The following STX12 variants were observed in gnomAD, a reference collection of about 807,000 sequenced individuals.
STX12 encodes the protein syntaxin 12.
A neutral mutation model predicts 42.2 loss-of-function variants in STX12; 17 were observed. The observed-to-expected ratio is 0.40, with a 90% CI of 0.28 to 0.60. STX12 has a LOEUF of 0.60. Ranked by LOEUF, STX12 falls within the 20% of genes least tolerant of loss-of-function variation. The pLI is 0.39. For missense variants in STX12, 297 were observed against 330.9 expected, an observed-to-expected ratio of 0.90 and a Z score of 0.79; for synonymous variants, 108 against 116.7, an observed-to-expected ratio of 0.93 and a Z score of 0.48.
At chr1:27,788,778 G>A (rs967419505) in intron 1 of STX12, among the ~76,000 whole-genome samples, 4 of 152,132 alleles carry the variant, frequency 2.6e-5, no homozygotes, top group Non-Finnish European at 4.4e-5. Context: ...TTGGGAGGCC[G>A]AGGCGAGTGG....
intron 1 of STX12, among the ~76,000 whole-genome samples, chr1:27,787,611 A>G (rs941467226): frequency 6.6e-6 from 1 of 151,992 alleles, no homozygotes; most frequent in Admixed American, 6.6e-5. Flanking sequence ...GTGAGCCGAG[A>G]TCATGCCACT....
intron 1 of STX12, among the ~76,000 whole-genome samples, chr1:27,784,969 A>G (rs909743228): frequency 1.3e-5 from 2 of 152,116 alleles, no homozygotes; most frequent in Non-Finnish European, 2.9e-5. Context: ...GGAAATCAGA[A>G]AAGTCTAGAT....
At chr1:27,780,560 C>T (rs989156877) in intron 1 of STX12, among the ~76,000 whole-genome samples, 2 of 152,154 alleles carry the variant, frequency 1.3e-5, no homozygotes, top group African/African-American at 4.8e-5. Context: ...GTCAGCAGAT[C>T]TGTGACTGAA....
intron 4 of STX12, among the ~76,000 whole-genome samples, chr1:27,805,756 A>G (rs1412617849): frequency 6.6e-6 from 1 of 152,180 alleles, no homozygotes; most frequent in Non-Finnish European, 1.5e-5. Flanking sequence ...TATTCAGTCT[A>G]TTATGATAGA....
intron 2 of STX12, among the ~76,000 whole-genome samples, chr1:27,792,158 C>CATATATG (rs1314518891): frequency 1.0e-5 from 1 of 100,172 alleles, no homozygotes; most frequent in Non-Finnish European, 1.7e-5. Flanking sequence ...ATATGTGTAT[C>CATATATG]TATATATGTA....
chr1:27,797,875 A>AACACACACACACACACACACAC (rs61106135), intron 3 of STX12, among the ~76,000 whole-genome samples: 4 of 143,112 alleles, frequency 2.8e-5, no homozygotes, highest in African/African-American at 1.0e-4. Flanking sequence ...TCTGAAGGTA[A>AACACACACACACACACACACAC]ACACACACAC....
At chr1:27,817,052 GAGGA>G (rs749220613) in intron 6 of STX12, among the ~76,000 whole-genome samples, 21 of 147,388 alleles carry the variant, frequency 1.4e-4, no homozygotes, top group African/African-American at 3.3e-4. Flanking sequence ...GAGAGGGAGG[GAGGA>G]AGGAAGGAAG....
rs1557799788 is a variant in STX12, at chr1:27,788,551, C to T, written c.119-1011C>T. Among the ~76,000 whole-genome samples the T allele has an allele frequency of 2.6e-5, 4 of 152,282 alleles. No homozygotes were observed. The South Asian group carries it at 8.3e-4, about 32-fold the overall frequency. On this transcript the variant is annotated intron_variant, in intron 1 of 8. Coordinates refer to ENST00000373943, the MANE Select transcript of STX12 (RefSeq NM_177424.3). ...AAAAGGTAGAGAAGGCTGAACAAAA[C>T]CATATGTTTGACTGTATTATGGTAT...
intron 6 of STX12, among the ~76,000 whole-genome samples, chr1:27,816,006 T>C (rs540682890): frequency 6.6e-6 from 1 of 151,902 alleles, no homozygotes; most frequent in East Asian, 1.9e-4. Flanking sequence ...TGAAACTCTG[T>C]CTCTACTAAA....
intron 4 of STX12, among the ~76,000 whole-genome samples, chr1:27,809,074 G>A (rs1271658965): frequency 6.6e-6 from 1 of 152,136 alleles, no homozygotes; most frequent in Non-Finnish European, 1.5e-5. Flanking sequence ...TGTGGCTCAC[G>A]CCTGTAATCC....
chr1:27,809,188 G>A (rs573490299), intron 4 of STX12, among the ~76,000 whole-genome samples: 6 of 151,966 alleles, frequency 3.9e-5, no homozygotes, highest in Non-Finnish European at 4.4e-5. Flanking sequence ...ACAAAAATTA[G>A]CTGGGCGTGG....
intron 4 of STX12, among the ~76,000 whole-genome samples, chr1:27,808,083 T>C (rs1167152823): frequency 6.6e-6 from 1 of 152,104 alleles, no homozygotes; most frequent in Admixed American, 6.6e-5. Flanking sequence ...GGAGTTGTGA[T>C]TGGAGAAGGG....
intron 3 of STX12, among the ~76,000 whole-genome samples, chr1:27,797,848 C>G (rs1287003480): frequency 6.7e-6 from 1 of 150,122 alleles, no homozygotes; most frequent in Admixed American, 6.6e-5. Flanking sequence ...CTAATTAGCC[C>G]TAAGGGGAAA....
intron 4 of STX12, among the ~76,000 whole-genome samples, chr1:27,809,553 C>G (rs1025948576): frequency 4.0e-5 from 6 of 150,468 alleles, no homozygotes; most frequent in African/African-American, 1.5e-4. Context: ...CTCCGCCTCC[C>G]TGATTCAATT....
chr1:27,816,110 G>A (rs532510460), intron 6 of STX12, among the ~76,000 whole-genome samples: 1 of 152,092 alleles, frequency 6.6e-6, no homozygotes. Flanking sequence ...GAGGTCAGGA[G>A]TTCGAGACCA....
At chr1:27,784,051 A>G (rs924122029) in intron 1 of STX12, among the ~76,000 whole-genome samples, 15 of 152,142 alleles carry the variant, frequency 9.9e-5, no homozygotes, top group Admixed American at 7.2e-4. Flanking sequence ...ATGGTGGCAC[A>G]TGCCTATAAT....
At position 27,789,648 on chromosome 1, in the gene STX12, C is replaced by T; in HGVS notation, c.188+17C>T. 1 of 1,608,546 alleles carries T rather than the reference C, an allele frequency of 6.2e-7. No homozygotes were observed. The highest frequency in any genetic ancestry group is 8.5e-7 in the Non-Finnish European group (1 of 1,175,890). ...GGAAAATCTGTGAGTAACTTCCTGA[C>T]AAGGTTGGGTTTTGTGAGGGCCATT... On this transcript the variant is annotated intron_variant, in intron 2 of 8. Transcript: ENST00000373943.
intron 6 of STX12, among the ~76,000 whole-genome samples, chr1:27,816,013 TAAA>T (rs1460991235): frequency 6.6e-6 from 1 of 151,760 alleles, no homozygotes; most frequent in Non-Finnish European, 1.5e-5. Flanking sequence ...CTGTCTCTAC[TAAA>T]AATACAAAAA....
In STX12 at chr1:27,801,744, G is replaced by T. The variant is rs2088829626; in HGVS notation, c.355G>T (p.Ala119Ser). The part of the protein sequence containing the change: ...DFSAALNNFQ[A>S]VQRRVSEKEK... The stretch of plus-strand genomic sequence containing the variant: ...CTCTGCAGCCTTAAACAATTTCCAG[G>T]CTGTGCAGAGAAGGGTATCTGAAAA... The change falls in exon 4 of 9, where the codon GCT becomes TCT. Residue 119 changes from alanine to serine, a missense_variant. By Grantham distance (99) the Ala-to-Ser change is moderately conservative (BLOSUM62 1). Coordinates refer to ENST00000373943, the MANE Select transcript of STX12 (RefSeq NM_177424.3). The T allele has an allele frequency of 2.5e-6, 4 of 1,593,892 alleles. No homozygotes were observed. In the African/African-American group the frequency reaches 4.1e-5, roughly 16 times the overall value.
Sources: gnomAD v4.1 joint callset for allele counts (sites outside exome capture counted in the v4.1 genomes callset) on GRCh38, gnomAD v4.1.1 for gene constraint, MANE v1.5 for transcripts, NCBI Gene and HGNC (gene_info 2026-07-23, HGNC 2026-07-21) for gene names.